SLC16A3: variants seen among roughly 807,000 people sequenced by gnomAD.
SLC16A3 encodes solute carrier family 16 member 3.
A neutral mutation model predicts 25.0 loss-of-function variants in SLC16A3; 22 were observed. The ratio of observed to expected loss-of-function variants is 0.88; its 90% CI spans 0.63 to 1.26. SLC16A3 has a LOEUF of 1.26. Among genes scored for constraint, SLC16A3 ranks in the 50% most tolerant of loss-of-function variants. The pLI is 0.00. For synonymous variants in SLC16A3, 390 were observed against 309.2 expected, an observed-to-expected ratio of 1.26 and a Z score of -2.74; for missense variants, 731 against 666.6, an observed-to-expected ratio of 1.10 and a Z score of -1.06.
intron 1 of SLC16A3, among the ~76,000 whole-genome samples, chr17:82,222,155 G>A (rs1555786248): frequency 3.8e-5 from 5 of 132,690 alleles, no homozygotes; most frequent in Non-Finnish European, 6.4e-5. Flanking sequence ...CGTTCGTGGA[G>A]AGGAGCGTCG....
At chr17:82,233,134 C>CT (rs1284329397) in intron 1 of SLC16A3, among the ~76,000 whole-genome samples, 2 of 152,200 alleles carry the variant, frequency 1.3e-5, no homozygotes, top group Non-Finnish European at 1.5e-5. Flanking sequence ...TCCCCGTACT[C>CT]TACCTCCTGT....
chr17:82,222,838 T>C (rs1307584836), intron 1 of SLC16A3, among the ~76,000 whole-genome samples: 2 of 146,936 alleles, frequency 1.4e-5, no homozygotes, highest in African/African-American at 5.0e-5. Context: ...GAAGCACTGA[T>C]AGACCCTCTC....
At chr17:82,223,647 G>C (rs1421978248), upstream of SLC16A3, among the ~76,000 whole-genome samples, 1 of 152,050 alleles carries the variant, frequency 6.6e-6, no homozygotes, top group African/African-American at 2.4e-5. Flanking sequence ...CGAGTAGTTG[G>C]GATTATGGGT....
At chr17:82,238,234 A>C (rs1415956919) in intron 4 of SLC16A3, among the ~76,000 whole-genome samples, 3 of 152,148 alleles carry the variant, frequency 2.0e-5, no homozygotes, top group Non-Finnish European at 4.4e-5. Flanking sequence ...TTTTTGAAGG[A>C]TGACTGAGCT....
At position 82,237,473 on chromosome 17, in the gene SLC16A3, G is replaced by A. The variant is rs751161947; in HGVS notation, c.703G>A (p.Ala235Thr). 1.5e-5 allele frequency: 24 copies of A among 1,608,824 alleles called. No individual in the cohort carries two copies. The highest frequency in any genetic ancestry group is 1.4e-4 in the South Asian group (13 of 90,814). ...DRGFVLYAVA[A>T]SVMVLGLFVP... ...CGGCTTTGTGCTTTACGCCGTGGCC[G>A]CCTCGGTCATGGTGCTGGGGCTCTT... The change falls in exon 4 of 5, where the codon GCC becomes ACC. Residue 235 changes from alanine to threonine, a missense_variant. By Grantham distance (58) the Ala-to-Thr change is moderately conservative (BLOSUM62 0). Coordinates refer to ENST00000582743, the MANE Select transcript of SLC16A3 (RefSeq NM_004207.4).
chr17:82,239,095 C>A lies in SLC16A3; in HGVS notation c.*119C>A. On this transcript the variant is annotated 3_prime_UTR_variant, in exon 5 of 5. Coordinates refer to ENST00000582743, the MANE Select transcript of SLC16A3 (RefSeq NM_004207.4). Reference sequence around the variant, plus strand: ...CACGGCTGGGCTCCAGCTGCCGGCCCAGCGGATCGTCGCCCGATCAGTGTT... The same window carrying A: ...CACGGCTGGGCTCCAGCTGCCGGCCAAGCGGATCGTCGCCCGATCAGTGTT... 9.9e-7 allele frequency: 1 copy of A among 1,005,218 alleles called. No homozygotes were observed. Among genetic ancestry groups the A allele is most frequent in the East Asian group, 2.7e-5 (1 of 37,662 alleles). The allele number at this position is 1,005,218 out of a possible 1,614,324, so 62.3% of individuals were successfully genotyped here. A position where few individuals can be genotyped will look rare whatever the true frequency, so the allele number is the denominator to read the frequency against.
intron 1 of SLC16A3, chr17:82,229,863 C>T (rs1415354711): frequency 2.0e-5 from 3 of 152,512 alleles, no homozygotes; most frequent in Non-Finnish European, 4.4e-5. Flanking sequence ...AAGGGAAGCC[C>T]TTAGCTCTGG....
At chr17:82,238,132 C>CGG (rs375870269) in intron 4 of SLC16A3, among the ~76,000 whole-genome samples, 1 of 150,216 alleles carries the variant, frequency 6.7e-6, no homozygotes, top group African/African-American at 2.4e-5. Context: ...GGGCTGGGCC[C>CGG]GGGGGGGGGC....
intron 1 of SLC16A3, chr17:82,235,558 G>A (rs527277219): frequency 2.0e-4 from 42 of 211,196 alleles, no homozygotes; most frequent in East Asian, 9.4e-4. Context: ...GTCCTGGGGC[G>A]AGCTCAGTGC....
At chr17:82,235,844 T>C in intron 1 of SLC16A3, 139 bp from the exon 2 acceptor site, 5 of 628,150 alleles carry the variant, frequency 8.0e-6, no homozygotes, top group Non-Finnish European at 1.4e-5. Flanking sequence ...AGACACCAGG[T>C]CAGGGGGCCA....
rs1343787055 is a variant in SLC16A3 at position 82,239,033 on chromosome 17, C to T, written c.*57C>T. On this transcript the variant is annotated 3_prime_UTR_variant, in exon 5 of 5. Transcript: ENST00000582743. ...GAGGTACAGAAGCCGGCAACGCTTG[C>T]TATTTATTTTACAAACTGGACTGGC... 4 of 1,469,026 alleles carry T rather than the reference C, an allele frequency of 2.7e-6. No individual in the cohort carries two copies. Among genetic ancestry groups the T allele is most frequent in the Middle Eastern group, 2.1e-4 (1 of 4,762 alleles). 91.0% of individuals were successfully genotyped at this position (1,469,026 alleles called of 1,614,324 possible).
In SLC16A3 at chr17:82,239,122, T is replaced by C; in HGVS notation, c.*146T>C. On this transcript the variant is annotated 3_prime_UTR_variant, in exon 5 of 5. Coordinates refer to ENST00000582743, the MANE Select transcript of SLC16A3 (RefSeq NM_004207.4). ...GCGGATCGTCGCCCGATCAGTGTTT[T>C]GAGGGGGAAGGTGGCGGGGTGGGAA... 1 of 756,912 alleles carries C rather than the reference T, an allele frequency of 1.3e-6. No individual in the cohort carries two copies. The highest frequency in any genetic ancestry group is 2.0e-6 in the Non-Finnish European group (1 of 496,154). The allele number at this position is 756,912 out of a possible 1,614,324, so 46.9% of individuals were successfully genotyped here.
Position 82,238,753 on chromosome 17 carries a change from G to C in SLC16A3, c.1175G>C (p.Gly392Ala). 6.2e-7 allele frequency: 1 copy of C among 1,612,572 alleles called. No homozygotes were observed. The highest frequency in any genetic ancestry group is 8.5e-7 in the Non-Finnish European group (1 of 1,179,908). ...TACATGTACGTGTTCATCCTGGCGG[G>C]GGCCGAGGTGCTCACCTCCTCCCTG... Reference protein sequence around the residue: ...HVYMYVFILAGAEVLTSSLIL... With the variant: ...HVYMYVFILAAAEVLTSSLIL... Residue 392 changes from glycine (G) to alanine (A), a missense_variant, in exon 5 of 5, where the codon GGG (glycine) becomes GCG (alanine). Physicochemically the swap from Gly to Ala is moderately conservative, Grantham distance 60. Transcript: ENST00000582743.
chr17:82,238,340 T>C (rs1159095776), intron 4 of SLC16A3, among the ~76,000 whole-genome samples: 1 of 152,162 alleles, frequency 6.6e-6, no homozygotes, highest in Non-Finnish European at 1.5e-5. Flanking sequence ...GCTCATGTCT[T>C]GGAGTCCGCG....
chr17:82,239,939 G>A lies in SLC16A3; in HGVS notation c.*963G>A. The A allele has an allele frequency of 8.4e-7, 1 of 1,185,408 alleles. No homozygotes were observed. The highest frequency in any genetic ancestry group is 1.1e-6 in the Non-Finnish European group (1 of 943,980). 73.4% of individuals were successfully genotyped at this position (1,185,408 alleles called of 1,614,324 possible). A position where few individuals can be genotyped will look rare whatever the true frequency, so the allele number is the denominator to read the frequency against. ...CTGCCCTCGTGGCCAGCAGTGGCCTGCGTGGCTGGGAGCCCGGTCAGAGGC... is the reference window on the plus strand; with the variant it reads ...CTGCCCTCGTGGCCAGCAGTGGCCTACGTGGCTGGGAGCCCGGTCAGAGGC... On this transcript the variant is annotated 3_prime_UTR_variant, in exon 5 of 5. Transcript: ENST00000582743.
rs1310201440 is a variant in SLC16A3 at position 82,236,097 on chromosome 17, T to TGA, written c.89_90insGA (p.Ile31ThrfsTer53). On this transcript the variant is annotated frameshift_variant, in exon 2 of 5. Coordinates refer to ENST00000582743, the MANE Select transcript of SLC16A3 (RefSeq NM_004207.4). LOFTEE classifies it high-confidence loss of function. Reference sequence around the variant, plus strand: ...TGGGCCGTGCTCTTCGGCTGTTTCGTCATCACTGGCTTCTCCTACGCCTTC... The same window carrying TGA: ...TGGGCCGTGCTCTTCGGCTGTTTCGTGACATCACTGGCTTCTCCTACGCCTTC... 1.9e-6 allele frequency: 3 copies of TGA among 1,612,990 alleles called. No individual in the cohort carries two copies. In the African/African-American group the frequency reaches 4.0e-5, roughly 22 times the overall value.
chr17:82,233,312 C>T (rs1396698838), intron 1 of SLC16A3, among the ~76,000 whole-genome samples: 1 of 152,142 alleles, frequency 6.6e-6, no homozygotes, highest in Non-Finnish European at 1.5e-5. Context: ...GTCCAAATGC[C>T]TCATCTTGAC....
rs548646971 is a variant in SLC16A3, at chr17:82,223,318, G to A, written c.-27+5134G>A. On this transcript the variant is annotated intron_variant, in intron 1 of 4. Coordinates refer to the SLC16A3 transcript ENST00000580098. The stretch of plus-strand genomic sequence containing the variant: ...CTGCCTCAGTCTCCCAAGTAGTTGG[G>A]ATTACCGGCATGTGCCATGACGCCT... 9.2e-5 allele frequency among the ~76,000 whole-genome samples: 14 copies of A among 152,226 alleles called. No homozygotes were observed. In the South Asian group the frequency reaches 2.9e-3, roughly 32 times the overall value.
intron 1 of SLC16A3, among the ~76,000 whole-genome samples, chr17:82,222,806 A>G (rs1230722717): frequency 1.3e-5 from 2 of 149,600 alleles, no homozygotes; most frequent in African/African-American, 4.9e-5. Flanking sequence ...TCCGTCTCAA[A>G]AAAAAAAAAA....
Sources: allele counts gnomAD v4.1 joint callset (sites outside exome capture counted in the v4.1 genomes callset), GRCh38; gene constraint gnomAD v4.1.1; transcripts MANE v1.5; gene names NCBI Gene and HGNC (gene_info 2026-07-23, HGNC 2026-07-21).